The following ATXN8OS variants were observed in gnomAD, a reference collection of about 807,000 sequenced individuals.
ATXN8OS encodes the protein ATXN8 opposite strand (non-protein coding).
intron 2 of ATXN8OS, among the ~76,000 whole-genome samples, chr13:70,127,215 T>C (rs939320026): frequency 6.6e-6 from 1 of 152,012 alleles, no homozygotes; most frequent in African/African-American, 2.4e-5. Context: ...TATGCATCAA[T>C]CCTTAAAATA....
chr13:70,118,933 C>A (rs1888320823), intron 2 of ATXN8OS, among the ~76,000 whole-genome samples: 2 of 151,406 alleles, frequency 1.3e-5, no homozygotes, highest in Non-Finnish European at 2.9e-5. Flanking sequence ...ACGAGCATTG[C>A]AAACCCAGAC....
intron 4 of ATXN8OS, among the ~76,000 whole-genome samples, chr13:70,167,055 T>G (rs921190978): frequency 6.6e-6 from 1 of 152,002 alleles, no homozygotes; most frequent in African/African-American, 2.4e-5. Context: ...GGAACACTTT[T>G]ACACTGTTGG....
chr13:70,125,076 T>C (rs542739596), intron 2 of ATXN8OS, among the ~76,000 whole-genome samples: 1 of 152,228 alleles, frequency 6.6e-6, no homozygotes, highest in Non-Finnish European at 1.5e-5. Context: ...TTACACGAAG[T>C]TGTAAATTAT....
rs746779639 is a variant in ATXN8OS, at chr13:70,142,989, C to T, written n.500-4366C>T. ...TCAGGAGGCTGAGGCAGGAGAATCCCTTGAACCCGGGAGGCAGAGGTTGCC... is the reference window on the plus strand; with the variant it reads ...TCAGGAGGCTGAGGCAGGAGAATCCTTTGAACCCGGGAGGCAGAGGTTGCC... On this transcript the variant is annotated intron_variant and non_coding_transcript_variant, in intron 3 of 4. Transcript: ENST00000678624. 4.7e-4 allele frequency among the ~76,000 whole-genome samples: 71 copies of T among 151,906 alleles called. 1 individual carries two copies. Among genetic ancestry groups the T allele is most frequent in the Non-Finnish European group, 8.8e-4 (60 of 67,998 alleles).
intron 4 of ATXN8OS, among the ~76,000 whole-genome samples, chr13:70,148,230 C>T (rs1303403003): frequency 3.9e-5 from 6 of 152,128 alleles, no homozygotes; most frequent in African/African-American, 1.4e-4. Flanking sequence ...GGATTCTCTA[C>T]AGAGTATAAA....
intron 3 of ATXN8OS, among the ~76,000 whole-genome samples, chr13:70,133,659 A>C (rs902330648): frequency 6.6e-6 from 1 of 152,166 alleles, no homozygotes; most frequent in South Asian, 2.1e-4. Context: ...ACACAGAAAA[A>C]AGGCTTGAAA....
upstream of ATXN8OS, chr13:70,107,595 T>C (rs1593750775): frequency 6.3e-7 from 1 of 1,596,518 alleles, no homozygotes; most frequent in East Asian, 2.2e-5. Flanking sequence ...GCAGGCAGCC[T>C]CCCCCCGCCG....
intron 1 of ATXN8OS, among the ~76,000 whole-genome samples, chr13:70,111,162 C>T (rs763485235): frequency 2.2e-4 from 34 of 152,098 alleles, no homozygotes; most frequent in Non-Finnish European, 4.7e-4. Context: ...CAAAACTCTT[C>T]GCATAAGTAT....
At position 70,137,794 on chromosome 13, in the gene ATXN8OS, C is replaced by T. The variant is rs111836276; in HGVS notation, n.499+7910C>T. 7.2e-5 allele frequency among the ~76,000 whole-genome samples: 11 copies of T among 152,192 alleles called. 1 individual carries two copies. The highest frequency in any genetic ancestry group is 2.6e-4 in the African/African-American group (11 of 41,524). On this transcript the variant is annotated intron_variant and non_coding_transcript_variant, in intron 3 of 4. Coordinates refer to ENST00000678624, the Ensembl canonical transcript of ATXN8OS. ...TTAATACTTACTGTATTAGTCAATTCTTACATGGCTATAAAGAACAACCTG... is the reference window on the plus strand; with the variant it reads ...TTAATACTTACTGTATTAGTCAATTTTTACATGGCTATAAAGAACAACCTG...
At chr13:70,133,172 G>A (rs916771070) in intron 3 of ATXN8OS, among the ~76,000 whole-genome samples, 3 of 152,234 alleles carry the variant, frequency 2.0e-5, no homozygotes, top group Admixed American at 6.5e-5. Context: ...TTGTGGGGCT[G>A]AGGCAGAAGG....
At chr13:70,125,706 C>G (rs1888423342) in intron 2 of ATXN8OS, among the ~76,000 whole-genome samples, 1 of 152,096 alleles carries the variant, frequency 6.6e-6, no homozygotes, top group Non-Finnish European at 1.5e-5. Context: ...TGGTTGCCTC[C>G]TCATCTTTGT....
chr13:70,114,583 T>C (rs547840814), intron 1 of ATXN8OS, among the ~76,000 whole-genome samples: 19 of 152,208 alleles, frequency 1.2e-4, no homozygotes, highest in African/African-American at 4.3e-4. Context: ...TCACACTAGA[T>C]AGATTCCCAG....
At chr13:70,166,813 A>C (rs1452797473) in intron 4 of ATXN8OS, among the ~76,000 whole-genome samples, 1 of 152,132 alleles carries the variant, frequency 6.6e-6, no homozygotes, top group Non-Finnish European at 1.5e-5. Flanking sequence ...GAACTCAAAC[A>C]AATTTACAAG....
intron 3 of ATXN8OS, among the ~76,000 whole-genome samples, chr13:70,135,741 T>C (rs1319823663): frequency 6.6e-6 from 1 of 152,206 alleles, no homozygotes; most frequent in African/African-American, 2.4e-5. Flanking sequence ...CTCATGGGTG[T>C]ACCACTATTA....
chr13:70,134,115 G>A (rs1241177866), intron 3 of ATXN8OS, among the ~76,000 whole-genome samples: 1 of 152,204 alleles, frequency 6.6e-6, no homozygotes, highest in African/African-American at 2.4e-5. Context: ...TGTCATTTGA[G>A]GATATCACTT....
At chr13:70,130,544 A>G in intron 3 of ATXN8OS, 1 of 395,848 alleles carries the variant, frequency 2.5e-6, no homozygotes, top group Non-Finnish European at 4.5e-6. Context: ...ATGTAGGGGA[A>G]GTATTTTAAA....
chr13:70,164,267 T>C (rs562509096), intron 4 of ATXN8OS, among the ~76,000 whole-genome samples: 5 of 151,630 alleles, frequency 3.3e-5, no homozygotes. Context: ...GATATTAAAA[T>C]GTAATTTCAA....
intron 3 of ATXN8OS, among the ~76,000 whole-genome samples, chr13:70,132,940 T>C (rs1451121631): frequency 6.6e-6 from 1 of 152,182 alleles, no homozygotes; most frequent in Admixed American, 6.5e-5. Flanking sequence ...CCTAAGTGGA[T>C]TGCATTGTCA....
At chr13:70,152,695 A>G (rs1055604015) in intron 4 of ATXN8OS, among the ~76,000 whole-genome samples, 2 of 152,110 alleles carry the variant, frequency 1.3e-5, no homozygotes, top group African/African-American at 4.8e-5. Flanking sequence ...ACGTCTTTTA[A>G]TTTAGCAGTA....
Sources: gnomAD v4.1 joint callset for allele counts (sites outside exome capture counted in the v4.1 genomes callset) on GRCh38, gnomAD v4.1.1 for gene constraint, MANE v1.5 for transcripts, NCBI Gene and HGNC (gene_info 2026-07-23, HGNC 2026-07-21) for gene names.